ROR2: variants seen among roughly 807,000 people sequenced by gnomAD.
The protein encoded by ROR2 is tyrosine-protein kinase transmembrane receptor ROR2.
Under a neutral mutation model 74.9 loss-of-function variants are expected in ROR2, and 33 were observed. That is an observed-to-expected ratio of 0.44 (90% CI 0.33 to 0.59). The LOEUF is 0.59. ROR2 is among the 20% of genes least tolerant of loss of function. The pLI is 0.02. For missense variants in ROR2, 1,216 were observed against 1,313.8 expected (o/e 0.93, Z 1.15); for synonymous variants, 586 against 558.7 (o/e 1.05, Z -0.69).
chr9:91,944,183 T>C (rs1396218720), intron 1 of ROR2, among the ~76,000 whole-genome samples: 1 of 152,200 alleles, frequency 6.6e-6, no homozygotes, highest in Admixed American at 6.5e-5. Flanking sequence ...AACAAACCTA[T>C]ACAGCATGTG....
At chr9:91,807,543 C>G (rs1827607614) in intron 1 of ROR2, among the ~76,000 whole-genome samples, 1 of 152,136 alleles carries the variant, frequency 6.6e-6, no homozygotes, top group Non-Finnish European at 1.5e-5. Context: ...CAACCTGAAG[C>G]CAGTAGGTCA....
chr9:91,890,803 T>A (rs1830403201), intron 1 of ROR2, among the ~76,000 whole-genome samples: 1 of 152,238 alleles, frequency 6.6e-6, no homozygotes. Context: ...AATGGAATAT[T>A]CACTGAAGAT....
intron 1 of ROR2, among the ~76,000 whole-genome samples, chr9:91,780,976 G>A (rs964667507): frequency 1.3e-5 from 2 of 152,190 alleles, no homozygotes; most frequent in East Asian, 1.9e-4. Context: ...TTTGATTTGC[G>A]TTTCTTTTAA....
intron 4 of ROR2, among the ~76,000 whole-genome samples, chr9:91,740,462 G>A (rs912550820): frequency 1.3e-5 from 2 of 151,696 alleles, no homozygotes; most frequent in African/African-American, 4.9e-5. Context: ...TGGGGCAGGA[G>A]AATGGCGTGA....
chr9:91,815,930 A>C (rs183879053), intron 1 of ROR2, among the ~76,000 whole-genome samples: 43 of 152,152 alleles, frequency 2.8e-4, no homozygotes, highest in African/African-American at 1.0e-3. Context: ...GGCCTGCCCC[A>C]TGGGACCCTA....
intron 1 of ROR2, among the ~76,000 whole-genome samples, chr9:91,828,082 A>G (rs16907833): frequency 0.028 from 4,284 of 152,322 alleles, 148 homozygotes; most frequent in Middle Eastern, 0.092. Context: ...CACTGGGGTT[A>G]TTTTAAATGT....
chr9:91,889,662 G>A (rs904473181), intron 1 of ROR2, among the ~76,000 whole-genome samples: 3 of 152,106 alleles, frequency 2.0e-5, no homozygotes, highest in African/African-American at 4.8e-5. Flanking sequence ...AACATCAGAC[G>A]CCAAAACTCT....
intron 1 of ROR2, among the ~76,000 whole-genome samples, chr9:91,872,325 G>C (rs1242282638): frequency 6.6e-6 from 1 of 152,108 alleles, no homozygotes; most frequent in African/African-American, 2.4e-5. Flanking sequence ...CGTTCGTCCT[G>C]GGGTGCATCT....
rs1824910673 is a variant in ROR2 at position 91,733,675 on chromosome 9, C to A, written c.623-239G>T. 6.6e-6 allele frequency among the ~76,000 whole-genome samples: 1 copy of A among 152,152 alleles called. No homozygotes were observed. Among genetic ancestry groups the A allele is most frequent in the Non-Finnish European group, 1.5e-5 (1 of 68,028 alleles). On this transcript the variant is annotated intron_variant, in intron 5 of 8. Coordinates refer to ENST00000375708, the MANE Select transcript of ROR2 (RefSeq NM_004560.4). This position sits in a 1 kb window ranked among gnomAD's most constrained non-coding sequence, Gnocchi z 5.7. ...GCAGTCACAGAAAAGTCCCTGGTCC[C>A]AGGGCCTCACTTAGAAACATCAGAA...
intron 1 of ROR2, among the ~76,000 whole-genome samples, chr9:91,843,476 T>C (rs1033556493): frequency 6.6e-6 from 1 of 152,232 alleles, no homozygotes; most frequent in African/African-American, 2.4e-5. Flanking sequence ...CAGCCCTCAG[T>C]GCCTTTAAGA....
rs369057154 is a variant in ROR2, at chr9:91,921,800, G to A, written c.97+28067C>T. On this transcript the variant is annotated intron_variant, in intron 1 of 8. Transcript: ENST00000375708. Reference sequence around the variant, plus strand: ...ATCGCTTGAACCCGGGAGACAGGTTGCAGTGAGCCAAGATCGCGCCACTGC... The same window carrying A: ...ATCGCTTGAACCCGGGAGACAGGTTACAGTGAGCCAAGATCGCGCCACTGC... Among the ~76,000 whole-genome samples the A allele has an allele frequency of 2.9e-3, 440 of 150,310 alleles. 2 individuals are homozygous for A. Among genetic ancestry groups the A allele is most frequent in the African/African-American group, 9.7e-3 (394 of 40,700 alleles).
At chr9:91,934,246 T>C (rs1343777712) in intron 1 of ROR2, among the ~76,000 whole-genome samples, 1 of 152,182 alleles carries the variant, frequency 6.6e-6, no homozygotes, top group African/African-American at 2.4e-5. Flanking sequence ...CTTAATCAAG[T>C]ACTAAATACA....
intron 4 of ROR2, among the ~76,000 whole-genome samples, chr9:91,739,219 A>G (rs996564067): frequency 1.3e-5 from 2 of 152,324 alleles, no homozygotes; most frequent in African/African-American, 2.4e-5. Flanking sequence ...ATTCTGTTCA[A>G]TTTAAGGCTA....
intron 1 of ROR2, among the ~76,000 whole-genome samples, chr9:91,777,998 T>G (rs986787785): frequency 6.6e-6 from 1 of 152,076 alleles, no homozygotes; most frequent in Non-Finnish European, 1.5e-5. Flanking sequence ...AAAACATACA[T>G]GAGGCCGCAG....
chr9:91,784,859 G>A (rs1399254458), intron 1 of ROR2, among the ~76,000 whole-genome samples: 1 of 152,108 alleles, frequency 6.6e-6, no homozygotes, highest in Non-Finnish European at 1.5e-5. Flanking sequence ...CTTCCATGAG[G>A]TAACTGGCTG....
intron 1 of ROR2, among the ~76,000 whole-genome samples, chr9:91,945,005 G>T (rs1831975716): frequency 6.6e-6 from 1 of 152,010 alleles, no homozygotes; most frequent in Non-Finnish European, 1.5e-5. Context: ...TAGCCCAGGA[G>T]GTTAAGGCCA....
At position 91,756,111 on chromosome 9, in the gene ROR2, G is replaced by A. The variant is rs778193373; in HGVS notation, c.464-10C>T. 6.2e-7 allele frequency: 1 copy of A among 1,613,562 alleles called. No homozygotes were observed. Among genetic ancestry groups the A allele is most frequent in the African/African-American group, 1.3e-5 (1 of 74,908 alleles). ...GGGCTGTGCGTTGGACCTAAAAAGA[G>A]GAAACAAAAAGACAAGTTATTAATA... is the stretch of plus-strand genomic sequence containing the variant. On this transcript the variant is annotated splice_polypyrimidine_tract_variant and intron_variant, in intron 3 of 8. Transcript: ENST00000375708.
At chr9:91,890,044 G>A (rs1412342558) in intron 1 of ROR2, among the ~76,000 whole-genome samples, 2 of 152,232 alleles carry the variant, frequency 1.3e-5, no homozygotes, top group Non-Finnish European at 2.9e-5. Context: ...GGGCAGGGGA[G>A]TTAGTGGCTT....
chr9:91,792,305 A>ATT lies in ROR2; in HGVS notation c.98-16489_98-16488dup, dbSNP rs1166828840. 1.3e-3 allele frequency among the ~76,000 whole-genome samples: 170 copies of ATT among 129,788 alleles called. 1 individual carries two copies. The highest frequency in any genetic ancestry group is 6.0e-3 in the South Asian group (25 of 4,158). The allele number at this position is 129,788 out of a possible 152,430, so 85.1% of individuals were successfully genotyped here. A position where few individuals can be genotyped will look rare whatever the true frequency, so the allele number is the denominator to read the frequency against. The stretch of plus-strand genomic sequence containing the variant: ...AAAATCGAGACCAAAAGTTGGTTCT[A>ATT]TTTTTTTTTTTTTTTTTTTTGAGAC... On this transcript the variant is annotated intron_variant, in intron 1 of 8. Coordinates refer to ENST00000375708, the MANE Select transcript of ROR2 (RefSeq NM_004560.4).
Sources: gnomAD v4.1 joint callset for allele counts (sites outside exome capture counted in the v4.1 genomes callset) on GRCh38, gnomAD v4.1.1 for gene constraint, Gnocchi (gnomAD v3.1) non-coding constraint, MANE v1.5 for transcripts, NCBI Gene and HGNC (gene_info 2026-07-23, HGNC 2026-07-21) for gene names.